THADA: variants seen among roughly 807,000 people sequenced by gnomAD.
THADA encodes tRNA (32-2'-O)-methyltransferase regulator THADA.
THADA carries 213 observed loss-of-function variants against 219.8 expected under a neutral mutation model. The observed-to-expected ratio is 0.97, with a 90% confidence interval of 0.87 to 1.09. The LOEUF (loss-of-function observed/expected upper bound fraction) is 1.09, where lower values mean the gene tolerates loss of function less well. Among genes scored for constraint, THADA ranks in the 50% least tolerant of loss-of-function variants. THADA has a pLI of 0.00. For synonymous variants in THADA, 1,018 were observed against 828.9 expected (o/e 1.23, Z -3.92); for missense variants, 2,956 against 2,311.3 (o/e 1.28, Z -5.72).
intron 26 of THADA, among the ~76,000 whole-genome samples, chr2:43,446,501 C>A (rs1681571373): frequency 6.6e-6 from 1 of 152,288 alleles, no homozygotes; most frequent in South Asian, 2.1e-4. Context: ...CTACTTCCAG[C>A]CCCAGAAATG....
intron 31 of THADA, among the ~76,000 whole-genome samples, chr2:43,300,412 G>A (rs566949459): frequency 5.3e-5 from 8 of 152,278 alleles, no homozygotes; most frequent in Admixed American, 1.3e-4. Context: ...TTTTACAGAT[G>A]AGGAAACAGA....
intron 26 of THADA, among the ~76,000 whole-genome samples, chr2:43,453,997 A>C (rs926739117): frequency 2.0e-5 from 3 of 152,100 alleles, no homozygotes; most frequent in African/African-American, 7.2e-5. Flanking sequence ...TTCTGGCTCA[A>C]CCTTCCAAGT....
At position 43,379,190 on chromosome 2, in the gene THADA, C is replaced by T. The variant is rs1168474268; in HGVS notation, c.4227+18781G>A. 2.0e-5 allele frequency among the ~76,000 whole-genome samples: 3 copies of T among 152,180 alleles called. No homozygotes were observed. In the East Asian group the frequency reaches 5.8e-4, roughly 29 times the overall value. On this transcript the variant is annotated intron_variant, in intron 29 of 37. Transcript: ENST00000405975. ...AGTTACAGTATTCTAATGTCCGTATCTTCTGGAGAGGAGAAAATAAGGATA... is the reference window on the plus strand; with the variant it reads ...AGTTACAGTATTCTAATGTCCGTATTTTCTGGAGAGGAGAAAATAAGGATA...
In THADA at chr2:43,293,177, C is replaced by T. The variant is rs775336282; in HGVS notation, c.4475G>A (p.Gly1492Glu). Reference protein sequence around the residue: ...ESLGFWEEVRGIISGSELITG... With the variant: ...ESLGFWEEVREIISGSELITG... ...TATCAGCTCTGATCCTGAGATAATC[C>T]CTCTGACTTCCTCCCAGAAGCCAAG... Residue 1492 changes from glycine (G) to glutamate (E), a missense_variant, in exon 32 of 38, where the codon GGG becomes GAG. Gly to Glu is a moderately conservative substitution (Grantham distance 98). Coordinates refer to ENST00000405975, the MANE Select transcript of THADA (RefSeq NM_022065.5). The T allele has an allele frequency of 6.2e-7, 1 of 1,612,936 alleles. No individual in the cohort carries two copies. Among genetic ancestry groups the T allele is most frequent in the South Asian group, 1.1e-5 (1 of 91,056 alleles).
intron 29 of THADA, among the ~76,000 whole-genome samples, chr2:43,374,864 G>C (rs770948286): frequency 1.3e-5 from 2 of 152,068 alleles, no homozygotes; most frequent in Non-Finnish European, 2.9e-5. Context: ...ACACCAAATT[G>C]TAAAACACAT....
chr2:43,232,457 C>T (rs1354791063), intron 37 of THADA, among the ~76,000 whole-genome samples: 2 of 152,108 alleles, frequency 1.3e-5, no homozygotes, highest in South Asian at 2.1e-4. Context: ...GGATTACAAG[C>T]ATGAGCCGCT....
At chr2:43,499,488 T>C (rs112282947) in intron 24 of THADA, among the ~76,000 whole-genome samples, 21,401 of 152,206 alleles carry the variant, frequency 0.14, 2,012 homozygotes, top group African/African-American at 0.27. Flanking sequence ...GCGATTCTCC[T>C]GCCTCAGCCT....
chr2:43,251,879 T>C (rs58485024), intron 36 of THADA, among the ~76,000 whole-genome samples: 7,783 of 152,270 alleles, frequency 0.051, 670 homozygotes, highest in African/African-American at 0.17. Flanking sequence ...TTAAAATCTG[T>C]CATATTGTGA....
chr2:43,280,691 G>A (rs1247533723), intron 35 of THADA, among the ~76,000 whole-genome samples: 5 of 152,094 alleles, frequency 3.3e-5, no homozygotes, highest in Admixed American at 2.6e-4. Context: ...AGAGACCCAT[G>A]ATAAAGGCAG....
intron 36 of THADA, among the ~76,000 whole-genome samples, chr2:43,241,649 T>A (rs1444107661): frequency 6.6e-6 from 1 of 151,688 alleles, no homozygotes; most frequent in Non-Finnish European, 1.5e-5. Context: ...TTTTGAAAAT[T>A]AGGAAAATCA....
At position 43,299,902 on chromosome 2, in the gene THADA, C is replaced by T. The variant is rs544654751; in HGVS notation, c.4439-6689G>A. On this transcript the variant is annotated intron_variant, in intron 31 of 37. Coordinates refer to ENST00000405975, the MANE Select transcript of THADA (RefSeq NM_022065.5). ...AATTAGCCAGGTGTGGTGGTGCATG[C>T]CTGTAATCCCAGCTACTCCGGAGGC... is the stretch of plus-strand genomic sequence containing the variant. 3.3e-5 allele frequency among the ~76,000 whole-genome samples: 5 copies of T among 151,510 alleles called. No homozygotes were observed. In the South Asian group the frequency reaches 1.0e-3, roughly 32 times the overall value.
intron 34 of THADA, among the ~76,000 whole-genome samples, chr2:43,288,858 A>C (rs1427334185): frequency 6.6e-6 from 1 of 152,242 alleles, no homozygotes; most frequent in Non-Finnish European, 1.5e-5. Flanking sequence ...ACTCTGGTAT[A>C]TTCACAGATA....
At chr2:43,466,724 G>A (rs751172316) in intron 26 of THADA, among the ~76,000 whole-genome samples, 1 of 152,076 alleles carries the variant, frequency 6.6e-6, no homozygotes, top group Non-Finnish European at 1.5e-5. Flanking sequence ...TCACTCAATT[G>A]CACAAAAACC....
chr2:43,594,006 C>T (rs867582402), intron 1 of THADA, among the ~76,000 whole-genome samples: 1 of 152,116 alleles, frequency 6.6e-6, no homozygotes, highest in African/African-American at 2.4e-5. Flanking sequence ...CAGATCAATA[C>T]AAAGGAAAAG....
chr2:43,470,726 T>C (rs1684813189), intron 26 of THADA, among the ~76,000 whole-genome samples: 1 of 152,200 alleles, frequency 6.6e-6, no homozygotes, highest in African/African-American at 2.4e-5. Context: ...TATACTACTT[T>C]CAACATAAAA....
intron 26 of THADA, among the ~76,000 whole-genome samples, chr2:43,465,075 T>C (rs1684080441): frequency 6.6e-6 from 1 of 152,180 alleles, no homozygotes. Flanking sequence ...CTTCTCACTA[T>C]CATGAGGAAA....
At chr2:43,237,645 C>T (rs1331781795) in intron 36 of THADA, among the ~76,000 whole-genome samples, 13 of 151,758 alleles carry the variant, frequency 8.6e-5, no homozygotes, top group Non-Finnish European at 1.8e-4. Context: ...GTGATCCACC[C>T]GCCTCGGCCT....
chr2:43,283,916 T>C (rs889133359), intron 35 of THADA, among the ~76,000 whole-genome samples: 1 of 152,206 alleles, frequency 6.6e-6, no homozygotes, highest in Admixed American at 6.5e-5. Flanking sequence ...CAGTGGCTCA[T>C]GCCTATAATC....
intron 26 of THADA, among the ~76,000 whole-genome samples, chr2:43,480,824 G>A (rs6712528): frequency 0.13 from 16,533 of 129,184 alleles, 991 homozygotes; most frequent in African/African-American, 0.17. Context: ...TCTTGGGGGG[G>A]AAAAAAAAAA....
Sources: allele counts gnomAD v4.1 joint callset (sites outside exome capture counted in the v4.1 genomes callset), GRCh38; gene constraint gnomAD v4.1.1; transcripts MANE v1.5; gene names NCBI Gene and HGNC (gene_info 2026-07-23, HGNC 2026-07-21).